The following TUT7 variants were observed in gnomAD, a reference collection of about 807,000 sequenced individuals.
TUT7 encodes the protein terminal uridylyltransferase 7.
In TUT7, 33 loss-of-function variants were observed where a neutral mutation model predicts 165.9. The observed-to-expected ratio is 0.20, with a 90% CI of 0.15 to 0.27. The LOEUF (loss-of-function observed/expected upper bound fraction) is 0.27, where lower values mean the gene tolerates loss of function less well. Ranked by LOEUF, TUT7 falls within the 10% of genes least tolerant of loss-of-function variation. TUT7 has a pLI of 1.00. For synonymous variants in TUT7, 552 were observed against 608.1 expected (o/e 0.91, Z 1.36); for missense variants, 1,338 against 1,762.3 (o/e 0.76, Z 4.31).
Position 86,346,470 on chromosome 9 carries a change from C to T in TUT7, c.531G>A (p.Lys177=), listed in dbSNP as rs1168524557. The part of the protein sequence containing the change: ...EMEAGSPENK[K]QRSRPRKPRK... ...GTGGCTTCCTAGGTCTGGACCTCTG[C>T]TTCTTGTTTTCTTAAGGTGGGGGAA... is the stretch of plus-strand genomic sequence containing the variant. The change falls in exon 3 of 27, where the codon AAG becomes AAA. Residue 177 remains lysine, a synonymous_variant. Transcript: ENST00000375963. 1 of 1,610,534 alleles carries T rather than the reference C, an allele frequency of 6.2e-7. No individual in the cohort carries two copies. Among genetic ancestry groups the T allele is most frequent in the African/African-American group, 1.3e-5 (1 of 74,726 alleles).
chr9:86,322,150 AT>A (rs1238530305), intron 14 of TUT7, among the ~76,000 whole-genome samples, 174 bp downstream of exon 14: 1 of 152,140 alleles, frequency 6.6e-6, no homozygotes, highest in Non-Finnish European at 1.5e-5. Flanking sequence ...TTTGACATTT[AT>A]TGCATGTCCC....
intron 14 of TUT7, among the ~76,000 whole-genome samples, chr9:86,320,864 T>C (rs1219091126): frequency 1.3e-5 from 2 of 152,162 alleles, no homozygotes; most frequent in Non-Finnish European, 2.9e-5. Flanking sequence ...GTCGCTCCCT[T>C]ACCCTCATCC....
rs748434798 is a variant in TUT7, at chr9:86,296,308, CA to C, written c.4420+4967del. Reference sequence around the variant, plus strand: ...ACTAGTAAATGGTTGGGCTGGATTTCAAACTCAAGTGTCTCACTCTAAAACT... The same window carrying C: ...ACTAGTAAATGGTTGGGCTGGATTTCAACTCAAGTGTCTCACTCTAAAACT... On this transcript the variant is annotated intron_variant, in intron 26 of 26. Coordinates refer to ENST00000375963, the MANE Select transcript of TUT7 (RefSeq NM_024617.4). Among the ~76,000 whole-genome samples the C allele has an allele frequency of 1.3e-4, 20 of 152,320 alleles. No homozygotes were observed. The East Asian group carries it at 1.3e-3, about 10-fold the overall frequency.
At chr9:86,293,964 C>T (rs190133033) in intron 26 of TUT7, among the ~76,000 whole-genome samples, 6 of 152,186 alleles carry the variant, frequency 3.9e-5, no homozygotes, top group Admixed American at 2.6e-4. Context: ...AGGCTGGTCT[C>T]GGAACTCCCA....
chr9:86,313,126 T>TAATA (rs111966143), intron 17 of TUT7, among the ~76,000 whole-genome samples: 50,065 of 142,338 alleles, frequency 0.35, 9,177 homozygotes, highest in Middle Eastern at 0.52. Flanking sequence ...GAATGATCAA[T>TAATA]AATAAATAAA....
Position 86,345,794 on chromosome 9 carries a change from T to C in TUT7, c.703-9A>G. On this transcript the variant is annotated splice_polypyrimidine_tract_variant and intron_variant, in intron 3 of 26. Transcript: ENST00000375963. The stretch of plus-strand genomic sequence containing the variant: ...GGGTAGTTTCGTGGTCGCTATAATT[T>C]GAAGAGATTTATTTAGAGAGAGACA... 1 of 1,573,452 alleles carries C rather than the reference T, an allele frequency of 6.4e-7. No homozygotes were observed. Among genetic ancestry groups the C allele is most frequent in the South Asian group, 1.1e-5 (1 of 88,044 alleles).
At chr9:86,293,603 G>C (rs943906619) in intron 26 of TUT7, among the ~76,000 whole-genome samples, 3 of 152,192 alleles carry the variant, frequency 2.0e-5, no homozygotes, top group African/African-American at 7.2e-5. Context: ...GACTCTCCGG[G>C]ATTGTCAACA....
In TUT7 at chr9:86,352,729, T is replaced by C. The variant is rs769153257; in HGVS notation, c.471A>G (p.Lys157=). 11 of 1,614,128 alleles carry C rather than the reference T, an allele frequency of 6.8e-6. No individual in the cohort carries two copies. The South Asian group carries it at 9.9e-5, about 14-fold the overall frequency. The change falls in exon 2 of 27, where the codon AAA becomes AAG. Residue 157 remains lysine (K), a synonymous_variant. Coordinates refer to ENST00000375963, the MANE Select transcript of TUT7 (RefSeq NM_024617.4). ...ACGTGGTTTCTAGGCTTGTTAGGTCTTTATGAAACAGTCGTCTTACAGTTC... is the reference window on the plus strand; with the variant it reads ...ACGTGGTTTCTAGGCTTGTTAGGTCCTTATGAAACAGTCGTCTTACAGTTC... ...GCRTVRRLFH[K]DLTSLETTSE...
At chr9:86,350,876 T>C (rs2131622740) in intron 2 of TUT7, among the ~76,000 whole-genome samples, 1 of 152,304 alleles carries the variant, frequency 6.6e-6, no homozygotes, top group African/African-American at 2.4e-5. Context: ...TTCACGCCTG[T>C]AATCCCAGCA....
chr9:86,310,592 C>T (rs1207599931), intron 18 of TUT7, 114 bp downstream of exon 18: 3 of 629,370 alleles, frequency 4.8e-6, no homozygotes, highest in Non-Finnish European at 8.5e-6. Flanking sequence ...CATAATAACT[C>T]TTGAAAGATT....
rs960631379 is a variant in TUT7 at position 86,348,283 on chromosome 9, T to G, written c.521-1803A>C. Among the ~76,000 whole-genome samples the G allele has an allele frequency of 2.6e-5, 4 of 152,240 alleles. No individual in the cohort carries two copies. The South Asian group carries it at 6.2e-4, about 24-fold the overall frequency. The stretch of plus-strand genomic sequence containing the variant: ...GATAATGGCAGCTACCATGATGGTG[T>G]ATCTTATTATGCAACAGATGTAAAG... On this transcript the variant is annotated intron_variant, in intron 2 of 26. Transcript: ENST00000375963.
intron 8 of TUT7, 38 bp downstream of exon 8, chr9:86,339,998 T>C (rs1351387126): frequency 1.3e-6 from 2 of 1,541,400 alleles, no homozygotes; most frequent in South Asian, 1.1e-5. Context: ...TTTTGGCAAG[T>C]TGAGAGTTAG....
intron 17 of TUT7, among the ~76,000 whole-genome samples, chr9:86,313,998 T>C (rs992852540): frequency 6.6e-6 from 1 of 152,212 alleles, no homozygotes; most frequent in Non-Finnish European, 1.5e-5. Flanking sequence ...ACTGAATACT[T>C]AGAATATGCT....
rs1484242045 is a variant in TUT7 at position 86,352,201 on chromosome 9, T to G, written c.520+479A>C. 2.0e-5 allele frequency among the ~76,000 whole-genome samples: 3 copies of G among 152,308 alleles called. No homozygotes were observed. In the East Asian group the frequency reaches 5.8e-4, roughly 29 times the overall value. ...TGACACTACATCCAAAAGATATATC[T>G]CTTGTGGCAGGAGATATACGCAGTG... is the stretch of plus-strand genomic sequence containing the variant. On this transcript the variant is annotated intron_variant, in intron 2 of 26. Transcript: ENST00000375963.
chr9:86,337,557 A>C lies in TUT7; in HGVS notation c.1336-19T>G. 6.3e-7 allele frequency: 1 copy of C among 1,586,282 alleles called. No homozygotes were observed. Among genetic ancestry groups the C allele is most frequent in the Non-Finnish European group, 8.5e-7 (1 of 1,170,784 alleles). ...TGCAAAGCTACAAACAAGAGAAAAG[A>C]AAGTTAAGCATTCTTTTTGTATGAA... On this transcript the variant is annotated intron_variant, in intron 9 of 26. Coordinates refer to ENST00000375963, the MANE Select transcript of TUT7 (RefSeq NM_024617.4).
At chr9:86,324,896 G>A (rs919648765) in intron 12 of TUT7, among the ~76,000 whole-genome samples, 3 of 152,166 alleles carry the variant, frequency 2.0e-5, no homozygotes, top group African/African-American at 4.8e-5. Flanking sequence ...TACTGGAGAG[G>A]AATCCAATGG....
intron 12 of TUT7, 91 bp downstream of exon 12, chr9:86,325,243 G>A: frequency 2.4e-6 from 3 of 1,259,522 alleles, no homozygotes; most frequent in South Asian, 2.8e-5. Flanking sequence ...ACTTGTAGGA[G>A]CTGAAAAGAG....
At chr9:86,322,113 T>C (rs771334668) in intron 14 of TUT7, among the ~76,000 whole-genome samples, 14 of 151,886 alleles carry the variant, frequency 9.2e-5, no homozygotes, top group Non-Finnish European at 1.8e-4. Context: ...ATAAAAAAGA[T>C]CCTCCCTGCA....
rs148524220 is a variant in TUT7, at chr9:86,338,339, T to C, written c.1335+484A>G. On this transcript the variant is annotated intron_variant, in intron 9 of 26. Coordinates refer to ENST00000375963, the MANE Select transcript of TUT7 (RefSeq NM_024617.4). The stretch of plus-strand genomic sequence containing the variant: ...CGACAGAATCTCAATTTTATAATCA[T>C]GACTCAACCTCACATTTTGGGGGAA... Among the ~76,000 whole-genome samples the C allele has an allele frequency of 2.2e-3, 331 of 151,904 alleles. 1 individual carries two copies. Among genetic ancestry groups the C allele is most frequent in the African/African-American group, 7.2e-3 (300 of 41,464 alleles).
Sources: gnomAD v4.1 joint callset for allele counts (sites outside exome capture counted in the v4.1 genomes callset) on GRCh38, gnomAD v4.1.1 for gene constraint, MANE v1.5 for transcripts, NCBI Gene and HGNC (gene_info 2026-07-23, HGNC 2026-07-21) for gene names.